TEAD1: variants seen among roughly 807,000 people sequenced by gnomAD.
TEAD1 encodes the protein TEA domain transcription factor 1.
TEAD1 carries 9 observed loss-of-function variants against 54.9 expected under a neutral mutation model. The ratio of observed to expected loss-of-function variants is 0.16; its 90% CI spans 0.10 to 0.29. The LOEUF (loss-of-function observed/expected upper bound fraction) is 0.29, where lower values mean the gene tolerates loss of function less well. Among genes scored for constraint, TEAD1 ranks in the 10% least tolerant of loss-of-function variants. The probability of loss-of-function intolerance (pLI) is 1.00; values close to 1 mark genes in which losing one functional copy is unlikely to be tolerated. For missense variants in TEAD1, 387 were observed against 535.9 expected, an observed-to-expected ratio of 0.72 and a Z score of 2.74; for synonymous variants, 200 against 187.8, an observed-to-expected ratio of 1.07 and a Z score of -0.53.
chr11:12,937,453 T>C lies in TEAD1; in HGVS notation c.*231T>C. The C allele has an allele frequency of 2.5e-6, 1 of 398,186 alleles. No individual in the cohort carries two copies. The highest frequency in any genetic ancestry group is 2.0e-5 in the African/African-American group (1 of 49,536). 24.7% of individuals were successfully genotyped at this position (398,186 alleles called of 1,614,324 possible). A position where few individuals can be genotyped will look rare whatever the true frequency, so the allele number is the denominator to read the frequency against. On this transcript the variant is annotated 3_prime_UTR_variant, in exon 13 of 13. Coordinates refer to ENST00000527636, the MANE Select transcript of TEAD1 (RefSeq NM_021961.6). ...TCTGGTACAGTTGTAAAAAGAGAAA[T>C]TGAGTTGTTTCTCTATGTTCTTCAG...
At chr11:12,929,933 T>G (rs988576053) in intron 11 of TEAD1, among the ~76,000 whole-genome samples, 1 of 152,230 alleles carries the variant, frequency 6.6e-6, no homozygotes. Flanking sequence ...CTGTCAACGC[T>G]TCTTAAAGCT....
intron 3 of TEAD1, among the ~76,000 whole-genome samples, chr11:12,769,626 ACTCCCAGCCCTGGAGGGTCTC>A (rs1945276234): frequency 1.3e-5 from 2 of 151,556 alleles, no homozygotes; most frequent in Admixed American, 1.3e-4. Flanking sequence ...ATGGCCATAG[ACTCCCAGCCCTGGAGGGTCTC>A]CAGGCCTTGG....
chr11:12,834,908 A>C (rs1946856237), intron 3 of TEAD1, among the ~76,000 whole-genome samples: 1 of 151,994 alleles, frequency 6.6e-6, no homozygotes, highest in Non-Finnish European at 1.5e-5. Flanking sequence ...AATTATAGAT[A>C]AGTTTTGACT....
At chr11:12,817,776 G>A (rs919739453) in intron 3 of TEAD1, among the ~76,000 whole-genome samples, 5 of 152,182 alleles carry the variant, frequency 3.3e-5, no homozygotes, top group African/African-American at 1.2e-4. Context: ...TGGACAGAGT[G>A]CCAAGAAAGG....
chr11:12,820,156 G>A (rs1029946020), intron 3 of TEAD1, among the ~76,000 whole-genome samples: 1 of 152,198 alleles, frequency 6.6e-6, no homozygotes, highest in Non-Finnish European at 1.5e-5. Context: ...AAGGTTTTAA[G>A]TGGATAAGTA....
intron 5 of TEAD1, among the ~76,000 whole-genome samples, chr11:12,874,958 A>T (rs1458066633): frequency 6.6e-6 from 1 of 152,146 alleles, no homozygotes; most frequent in Non-Finnish European, 1.5e-5. Context: ...ACTTGTCCAA[A>T]CATTTTTCTA....
At chr11:12,692,519 C>G (rs1943480450) in intron 2 of TEAD1, among the ~76,000 whole-genome samples, 1 of 151,024 alleles carries the variant, frequency 6.6e-6, no homozygotes, top group Admixed American at 6.6e-5. Context: ...GCTTTTTTTT[C>G]TTTTTAAAGC....
chr11:12,702,315 C>A (rs116605334), intron 2 of TEAD1, among the ~76,000 whole-genome samples: 1 of 152,118 alleles, frequency 6.6e-6, no homozygotes, highest in African/African-American at 2.4e-5. Context: ...CTGAGAACAT[C>A]GTGGACAACG....
In TEAD1 at chr11:12,901,482, A is replaced by G. The variant is rs187851858; in HGVS notation, c.700-458A>G. On this transcript the variant is annotated intron_variant, in intron 9 of 12. Transcript: ENST00000527636. The stretch of plus-strand genomic sequence containing the variant: ...TTCCTGCTGGAAGAAGGAAGTGGGT[A>G]CCATTGCTCAGACCACTGTATCTAC... Among the ~76,000 whole-genome samples, 54 of 152,302 alleles carry G rather than the reference A, an allele frequency of 3.5e-4. No homozygotes were observed. In the East Asian group the frequency reaches 9.9e-3, roughly 28 times the overall value.
chr11:12,706,179 AC>A (rs1353140461), intron 2 of TEAD1, among the ~76,000 whole-genome samples: 12 of 152,244 alleles, frequency 7.9e-5, no homozygotes. Context: ...TTTAGAGCTG[AC>A]CTCACTGAAC....
intron 2 of TEAD1, among the ~76,000 whole-genome samples, chr11:12,688,771 T>A (rs1451042704): frequency 6.6e-6 from 1 of 152,208 alleles, no homozygotes; most frequent in African/African-American, 2.4e-5. Flanking sequence ...TGAGTTTAAA[T>A]GAAATATAGC....
intron 3 of TEAD1, among the ~76,000 whole-genome samples, chr11:12,859,050 T>G (rs186311503): frequency 6.6e-6 from 1 of 152,306 alleles, no homozygotes; most frequent in Non-Finnish European, 1.5e-5. Flanking sequence ...GGGACCACCA[T>G]CATGTATGCA....
At chr11:12,794,046 C>G (rs190525365) in intron 3 of TEAD1, among the ~76,000 whole-genome samples, 2 of 152,332 alleles carry the variant, frequency 1.3e-5, no homozygotes, top group South Asian at 2.1e-4. Context: ...CCAAAACTGT[C>G]TTAAATTTCG....
intron 5 of TEAD1, among the ~76,000 whole-genome samples, chr11:12,867,672 A>G (rs1179693406): frequency 1.3e-5 from 2 of 152,156 alleles, no homozygotes; most frequent in Non-Finnish European, 2.9e-5. Flanking sequence ...CTAATAGCAC[A>G]TTTGTGAGGA....
intron 10 of TEAD1, among the ~76,000 whole-genome samples, chr11:12,922,236 G>C (rs1300954026): frequency 1.0e-5 from 1 of 100,116 alleles, no homozygotes; most frequent in Admixed American, 1.2e-4. Flanking sequence ...TCGCTCTGTC[G>C]CCCAGGCTGG....
intron 2 of TEAD1, among the ~76,000 whole-genome samples, chr11:12,686,210 A>G (rs1943330885): frequency 6.6e-6 from 1 of 152,166 alleles, no homozygotes; most frequent in Non-Finnish European, 1.5e-5. Context: ...ACTAATAGGA[A>G]ATTGTCAGGG....
chr11:12,904,945 A>G (rs1167577153), intron 10 of TEAD1: 6 of 264,646 alleles, frequency 2.3e-5, no homozygotes, highest in Non-Finnish European at 7.8e-6. Context: ...GCTGTCTGGT[A>G]CATCAATAAT....
intron 5 of TEAD1, among the ~76,000 whole-genome samples, chr11:12,875,197 T>C (rs1356775903): frequency 3.3e-5 from 5 of 152,246 alleles, no homozygotes; most frequent in Admixed American, 1.3e-4. Context: ...TGTTTGAATT[T>C]ACCTAGCTTC....
intron 2 of TEAD1, among the ~76,000 whole-genome samples, chr11:12,762,981 C>T (rs1286200402): frequency 6.6e-6 from 1 of 152,198 alleles, no homozygotes; most frequent in East Asian, 1.9e-4. Context: ...ACATGAAACC[C>T]TCCCTACTCA....
Sources: gnomAD v4.1 joint callset for allele counts (sites outside exome capture counted in the v4.1 genomes callset) on GRCh38, gnomAD v4.1.1 for gene constraint, MANE v1.5 for transcripts, NCBI Gene and HGNC (gene_info 2026-07-23, HGNC 2026-07-21) for gene names.